FHIT: variants seen among roughly 807,000 people sequenced by gnomAD.
FHIT encodes the protein fragile histidine triad diadenosine triphosphatase.
In FHIT, 19 loss-of-function variants were observed where a neutral mutation model predicts 17.9. The observed-to-expected ratio is 1.06, with a 90% CI of 0.74 to 1.56. The LOEUF (loss-of-function observed/expected upper bound fraction) is 1.56, where lower values mean the gene tolerates loss of function less well. Among genes scored for constraint, FHIT ranks in the 40% most tolerant of loss-of-function variants. FHIT has a pLI of 0.00. For missense variants in FHIT, 248 were observed against 189.2 expected, an observed-to-expected ratio of 1.31 and a Z score of -1.82; for synonymous variants, 81 against 69.7, an observed-to-expected ratio of 1.16 and a Z score of -0.81.
chr3:60,123,967 A>AAT lies in FHIT; in HGVS notation c.104-109817_104-109816dup, dbSNP rs1176212050. 7.2e-3 allele frequency among the ~76,000 whole-genome samples: 199 copies of AAT among 27,772 alleles called. 2 individuals are homozygous for AAT. The highest frequency in any genetic ancestry group is 9.5e-3 in the East Asian group (6 of 632). The allele number at this position is 27,772 out of a possible 152,430, so 18.2% of individuals were successfully genotyped here. Reference sequence around the variant, plus strand: ...CTTCCATTAACAGAAATGCACTAAAAATATATATATATATATATATATATA... The same window carrying AAT: ...CTTCCATTAACAGAAATGCACTAAAAATATATATATATATATATATATATATA... On this transcript the variant is annotated intron_variant, in intron 5 of 9. Coordinates refer to ENST00000492590, the MANE Select transcript of FHIT (RefSeq NM_002012.4).
intron 8 of FHIT, among the ~76,000 whole-genome samples, chr3:59,762,176 C>G (rs481165): frequency 0.19 from 29,111 of 151,988 alleles, 3,312 homozygotes; most frequent in African/African-American, 0.3. Context: ...CGCATCCTGG[C>G]CAGGACAGAG....
chr3:60,449,396 G>T (rs889883687), intron 5 of FHIT, among the ~76,000 whole-genome samples: 1 of 151,154 alleles, frequency 6.6e-6, no homozygotes. Context: ...AAAGCACTTA[G>T]AAGTTATTCA....
At chr3:60,995,108 C>A (rs2107591075) in intron 3 of FHIT, among the ~76,000 whole-genome samples, 2 of 152,202 alleles carry the variant, frequency 1.3e-5, no homozygotes, top group Admixed American at 1.3e-4. Flanking sequence ...ATCACGAGGT[C>A]AGGAGATCGA....
chr3:60,630,805 A>G (rs1299719257), intron 4 of FHIT, among the ~76,000 whole-genome samples: 1 of 152,142 alleles, frequency 6.6e-6, no homozygotes, highest in Non-Finnish European at 1.5e-5. Context: ...GTTTATACAG[A>G]GTAATTAAAT....
intron 5 of FHIT, among the ~76,000 whole-genome samples, chr3:60,442,647 A>C (rs545783): frequency 0.49 from 74,274 of 151,814 alleles, 20,357 homozygotes; most frequent in African/African-American, 0.73. Flanking sequence ...TGTTTTGGTA[A>C]CAGTACCATG....
At chr3:60,315,898 G>A (rs1020141374) in intron 5 of FHIT, among the ~76,000 whole-genome samples, 1 of 152,118 alleles carries the variant, frequency 6.6e-6, no homozygotes, top group Non-Finnish European at 1.5e-5. Context: ...TTGCTCATCT[G>A]GGCCACGTTA....
At chr3:61,095,210 G>A (rs1178390294) in intron 2 of FHIT, among the ~76,000 whole-genome samples, 1 of 152,192 alleles carries the variant, frequency 6.6e-6, no homozygotes, top group Non-Finnish European at 1.5e-5. Flanking sequence ...GACATGCCTT[G>A]TATAATAATA....
At chr3:59,953,571 C>T (rs561278345) in intron 7 of FHIT, among the ~76,000 whole-genome samples, 1 of 152,162 alleles carries the variant, frequency 6.6e-6, no homozygotes, top group African/African-American at 2.4e-5. Flanking sequence ...TTTTCCCCAA[C>T]AAAACTCATG....
At chr3:59,965,278 A>G (rs1487712467) in intron 7 of FHIT, among the ~76,000 whole-genome samples, 4 of 152,284 alleles carry the variant, frequency 2.6e-5, no homozygotes, top group African/African-American at 9.6e-5. Flanking sequence ...AATATAGTGT[A>G]TGGGAAATAC....
At chr3:60,255,359 T>C (rs567245155) in intron 5 of FHIT, among the ~76,000 whole-genome samples, 8 of 152,168 alleles carry the variant, frequency 5.3e-5, no homozygotes, top group African/African-American at 1.7e-4. Context: ...CCTTCGACAA[T>C]AACTGCACAG....
At chr3:60,300,153 T>C (rs1708390911) in intron 5 of FHIT, among the ~76,000 whole-genome samples, 1 of 152,072 alleles carries the variant, frequency 6.6e-6, no homozygotes, top group Non-Finnish European at 1.5e-5. Flanking sequence ...ATATTTTTAG[T>C]TTTGTCTTAT....
chr3:61,032,031 G>A (rs113587494), intron 3 of FHIT, among the ~76,000 whole-genome samples: 31 of 152,174 alleles, frequency 2.0e-4, no homozygotes, highest in African/African-American at 7.5e-4. Context: ...TAGCATTTTT[G>A]AGCTATAGAA....
At chr3:60,793,522 A>G (rs1225645546) in intron 4 of FHIT, among the ~76,000 whole-genome samples, 6 of 152,198 alleles carry the variant, frequency 3.9e-5, no homozygotes, top group Non-Finnish European at 8.8e-5. Flanking sequence ...AGGCTGGTCT[A>G]GAACTCCTGA....
At chr3:60,158,429 A>C (rs2107355549) in intron 5 of FHIT, among the ~76,000 whole-genome samples, 1 of 152,036 alleles carries the variant, frequency 6.6e-6, no homozygotes, top group Non-Finnish European at 1.5e-5. Flanking sequence ...CTCCTGCCTC[A>C]GCCTCCTGAG....
At chr3:60,883,645 A>C (rs9871232) in intron 3 of FHIT, among the ~76,000 whole-genome samples, 3,595 of 152,084 alleles carry the variant, frequency 0.024, 128 homozygotes, top group African/African-American at 0.082. Flanking sequence ...GATGCTGGGA[A>C]AACTGGATAT....
At chr3:60,801,262 C>T (rs1055056293) in intron 4 of FHIT, among the ~76,000 whole-genome samples, 11 of 152,172 alleles carry the variant, frequency 7.2e-5, no homozygotes, top group Admixed American at 1.3e-4. Flanking sequence ...TCCAGGTTGC[C>T]AGTCTCACTC....
At chr3:60,353,076 A>G (rs1180182366) in intron 5 of FHIT, among the ~76,000 whole-genome samples, 1 of 152,210 alleles carries the variant, frequency 6.6e-6, no homozygotes, top group African/African-American at 2.4e-5. Flanking sequence ...TTAACAAGAT[A>G]AATTTGAAAT....
intron 5 of FHIT, among the ~76,000 whole-genome samples, chr3:60,298,564 G>C (rs773044697): frequency 2.6e-5 from 4 of 152,100 alleles, no homozygotes; most frequent in East Asian, 1.9e-4. Context: ...CAACCGTAAA[G>C]AAAAGCATTC....
At chr3:59,863,265 G>C (rs1026276569) in intron 8 of FHIT, among the ~76,000 whole-genome samples, 1 of 152,162 alleles carries the variant, frequency 6.6e-6, no homozygotes, top group African/African-American at 2.4e-5. Context: ...GCTTTGTGAC[G>C]CACATCACCC....
Sources: gnomAD v4.1 joint callset for allele counts (sites outside exome capture counted in the v4.1 genomes callset) on GRCh38, gnomAD v4.1.1 for gene constraint, MANE v1.5 for transcripts, NCBI Gene and HGNC (gene_info 2026-07-23, HGNC 2026-07-21) for gene names.